Variants in FAM151B observed in about 807,000 individuals in gnomAD.
The protein encoded by FAM151B is family with sequence similarity 151 member B, also known as protein FAM151B.
Under a neutral mutation model 31.2 loss-of-function variants are expected in FAM151B, and 24 were observed. The ratio of observed to expected loss-of-function variants is 0.77; its 90% CI spans 0.56 to 1.08. The LOEUF is 1.08. Among genes scored for constraint, FAM151B ranks in the 50% least tolerant of loss-of-function variants. FAM151B has a pLI of 0.00. For synonymous variants in FAM151B, 105 were observed against 111.4 expected, an observed-to-expected ratio of 0.94 and a Z score of 0.36; for missense variants, 293 against 328.6, an observed-to-expected ratio of 0.89 and a Z score of 0.84.
At chr5:80,503,303 TCATGC>T (rs1743819733) in intron 2 of FAM151B, among the ~76,000 whole-genome samples, 1 of 152,144 alleles carries the variant, frequency 6.6e-6, no homozygotes, top group African/African-American at 2.4e-5. Flanking sequence ...GGGCGGTGGC[TCATGC>T]CTGTAATCCC....
chr5:80,529,256 A>T (rs1439168894), intron 5 of FAM151B, among the ~76,000 whole-genome samples: 2 of 152,230 alleles, frequency 1.3e-5, no homozygotes, highest in African/African-American at 4.8e-5. Context: ...AGGGAAATTT[A>T]TAGCACTAAA....
chr5:80,538,476 T>C (rs1288439284), intron 5 of FAM151B, among the ~76,000 whole-genome samples: 31 of 129,020 alleles, frequency 2.4e-4, no homozygotes, highest in South Asian at 5.3e-4. Flanking sequence ...CTTTCTTTCT[T>C]TCTTTCTTTC....
intron 2 of FAM151B, among the ~76,000 whole-genome samples, chr5:80,502,389 C>T (rs983708780): frequency 2.0e-5 from 3 of 152,136 alleles, no homozygotes; most frequent in Non-Finnish European, 4.4e-5. Context: ...ATGTATCTTA[C>T]ATATTTTTAT....
intron 1 of FAM151B, 126 bp downstream of exon 1, chr5:80,488,274 A>C: frequency 8.1e-7 from 1 of 1,232,780 alleles, no homozygotes; most frequent in South Asian, 1.6e-5. Context: ...GCCGCGCAGA[A>C]CCGGGCGGCT....
chr5:80,542,319 A>G lies in FAM151B; in HGVS notation c.*487A>G, dbSNP rs892677328. On this transcript the variant is annotated 3_prime_UTR_variant, in exon 6 of 6. Transcript: ENST00000282226. Reference sequence around the variant, plus strand: ...CAGCAGCTGTCTCATATCAAGATCTATTAATCCATTTCCTGAAACTGTAGA... The same window carrying G: ...CAGCAGCTGTCTCATATCAAGATCTGTTAATCCATTTCCTGAAACTGTAGA... 2.6e-5 allele frequency: 4 copies of G among 152,916 alleles called. No individual in the cohort carries two copies. Among genetic ancestry groups the G allele is most frequent in the Non-Finnish European group, 4.4e-5 (3 of 68,620 alleles). The allele number at this position is 152,916 out of a possible 1,614,324, so 9.5% of individuals were successfully genotyped here. A position where few individuals can be genotyped will look rare whatever the true frequency, so the allele number is the denominator to read the frequency against.
At chr5:80,537,806 AT>A (rs898261812) in intron 5 of FAM151B, among the ~76,000 whole-genome samples, 58 of 152,178 alleles carry the variant, frequency 3.8e-4, no homozygotes, top group African/African-American at 1.3e-3. Context: ...TTAATAAAAC[AT>A]TATTAATGTT....
intron 4 of FAM151B, 78 bp from the exon 5 acceptor site, chr5:80,521,903 TTATCTATGGTTTTACCTAATTA>T: frequency 1.0e-5 from 8 of 788,394 alleles, no homozygotes; most frequent in Non-Finnish European, 1.3e-5. Flanking sequence ...TACCTATGAA[TTATCTATGGTTTTACCTAATTA>T]TAGGTAATTT....
intron 1 of FAM151B, among the ~76,000 whole-genome samples, chr5:80,496,139 C>G (rs1452169520): frequency 6.6e-6 from 1 of 152,164 alleles, no homozygotes; most frequent in East Asian, 1.9e-4. Context: ...AAAATGCTAT[C>G]AAACAGCATT....
intron 5 of FAM151B, among the ~76,000 whole-genome samples, chr5:80,532,643 C>A (rs1745295847): frequency 6.6e-6 from 1 of 152,146 alleles, no homozygotes; most frequent in Non-Finnish European, 1.5e-5. Context: ...CACTATAGAG[C>A]AAATGCATCT....
At chr5:80,540,126 C>T (rs1222000520) in intron 5 of FAM151B, among the ~76,000 whole-genome samples, 3 of 152,130 alleles carry the variant, frequency 2.0e-5, no homozygotes. Context: ...CCAACCATTA[C>T]AACAATACCC....
chr5:80,497,819 G>A (rs1319450670), intron 1 of FAM151B, among the ~76,000 whole-genome samples: 1 of 151,344 alleles, frequency 6.6e-6, no homozygotes, highest in East Asian at 1.9e-4. Flanking sequence ...GGGAGGGATA[G>A]CATGAGGAGA....
intron 2 of FAM151B, among the ~76,000 whole-genome samples, chr5:80,512,376 G>A (rs35686039): frequency 3.3e-5 from 5 of 152,130 alleles, no homozygotes; most frequent in Admixed American, 6.5e-5. Context: ...ATATACCTGG[G>A]TGTTTATGCT....
chr5:80,492,659 C>T (rs1412059027), intron 1 of FAM151B, among the ~76,000 whole-genome samples: 3 of 152,132 alleles, frequency 2.0e-5, no homozygotes, highest in South Asian at 2.1e-4. Context: ...CACTTAAAAT[C>T]GAAAGCCAGA....
intron 1 of FAM151B, among the ~76,000 whole-genome samples, chr5:80,488,390 T>C (rs557309273): frequency 6.6e-6 from 1 of 152,204 alleles, no homozygotes; most frequent in Non-Finnish European, 1.5e-5. Context: ...AGGTCGAGAA[T>C]GGCAGGGTCA....
intron 1 of FAM151B, among the ~76,000 whole-genome samples, chr5:80,492,954 A>G (rs570906125): frequency 6.6e-6 from 1 of 151,948 alleles, no homozygotes; most frequent in South Asian, 2.1e-4. Context: ...ACTTGTCTCT[A>G]AAAAAAACAA....
chr5:80,515,713 C>G (rs1206765332), intron 3 of FAM151B, among the ~76,000 whole-genome samples: 1 of 152,126 alleles, frequency 6.6e-6, no homozygotes, highest in Non-Finnish European at 1.5e-5. Flanking sequence ...TATGTGAACA[C>G]CTATTACATG....
rs982251490 is a variant in FAM151B, at chr5:80,520,018, G to A, written c.535+108G>A. On this transcript the variant is annotated intron_variant, in intron 4 of 5. Transcript: ENST00000282226. Reference sequence around the variant, plus strand: ...AACCCATTCTACAAAATCTAAGCCTGATGGAAAAAAAGGCCTGACCCTTCA... The same window carrying A: ...AACCCATTCTACAAAATCTAAGCCTAATGGAAAAAAAGGCCTGACCCTTCA... 4 of 1,084,998 alleles carry A rather than the reference G, an allele frequency of 3.7e-6. No homozygotes were observed. In the Admixed American group the frequency reaches 8.0e-5, roughly 22 times the overall value. 67.2% of individuals were successfully genotyped at this position (1,084,998 alleles called of 1,614,324 possible).
At chr5:80,517,752 C>T (rs1257934503) in intron 3 of FAM151B, among the ~76,000 whole-genome samples, 1 of 152,120 alleles carries the variant, frequency 6.6e-6, no homozygotes, top group African/African-American at 2.4e-5. Flanking sequence ...GGTGGAATTT[C>T]GATTTGTGGG....
chr5:80,526,971 TCAACATTGAGAA>T (rs1219808840), intron 5 of FAM151B, among the ~76,000 whole-genome samples: 3 of 152,186 alleles, frequency 2.0e-5, no homozygotes, highest in African/African-American at 7.2e-5. Context: ...ATTTCAATAG[TCAACATTGAGAA>T]CTCTAGAACA....
Sources: gnomAD v4.1 joint callset for allele counts (sites outside exome capture counted in the v4.1 genomes callset) on GRCh38, gnomAD v4.1.1 for gene constraint, MANE v1.5 for transcripts, NCBI Gene and HGNC (gene_info 2026-07-23, HGNC 2026-07-21) for gene names.